CSMD1: variants seen among roughly 807,000 people sequenced by gnomAD.
CSMD1 encodes the protein CUB and sushi domain-containing protein 1.
Under a neutral mutation model 417.5 loss-of-function variants are expected in CSMD1, and 213 were observed. The observed-to-expected ratio is 0.51, with a 90% CI of 0.46 to 0.57. CSMD1 has a LOEUF of 0.57. Ranked by LOEUF, CSMD1 falls within the 20% of genes least tolerant of loss-of-function variation. CSMD1 has a pLI of 0.00. For missense variants in CSMD1, 6,923 were observed against 4,529.7 expected (o/e 1.53, Z -15.17); for synonymous variants, 2,862 against 1,736.8 (o/e 1.65, Z -16.11).
chr8:4,878,603 G>C (rs13281177), intron 1 of CSMD1, among the ~76,000 whole-genome samples: 1 of 151,818 alleles, frequency 6.6e-6, no homozygotes, highest in Admixed American at 6.6e-5. Context: ...TCTATCACCA[G>C]TTAGTAGAGG....
chr8:3,551,034 A>T (rs1798886910), intron 10 of CSMD1, among the ~76,000 whole-genome samples: 1 of 152,144 alleles, frequency 6.6e-6, no homozygotes, highest in African/African-American at 2.4e-5. Context: ...ATCAGCCTAA[A>T]TCTAAATGTA....
intron 3 of CSMD1, among the ~76,000 whole-genome samples, chr8:4,044,276 T>C (rs1212758389): frequency 6.6e-6 from 1 of 152,108 alleles, no homozygotes; most frequent in Non-Finnish European, 1.5e-5. Context: ...AATATAAAAA[T>C]GGCAAAGGAA....
At chr8:2,994,825 T>G (rs1042784793) in intron 54 of CSMD1, among the ~76,000 whole-genome samples, 2 of 152,192 alleles carry the variant, frequency 1.3e-5, no homozygotes, top group Admixed American at 6.5e-5. Context: ...TTTAATAAAT[T>G]ACCATATTAA....
chr8:3,707,481 T>C lies in CSMD1; in HGVS notation c.1009+933A>G, dbSNP rs183356880. Reference sequence around the variant, plus strand: ...AGCATAGAAAACACAACCCAATGGGTAGAAAGTCCTAGAAGAAGCGTGAGC... The same window carrying C: ...AGCATAGAAAACACAACCCAATGGGCAGAAAGTCCTAGAAGAAGCGTGAGC... On this transcript the variant is annotated intron_variant, in intron 7 of 69. Coordinates refer to ENST00000635120, the MANE Select transcript of CSMD1 (RefSeq NM_033225.6). Among the ~76,000 whole-genome samples, 3 of 152,108 alleles carry C rather than the reference T, an allele frequency of 2.0e-5. No individual in the cohort carries two copies. The East Asian group carries it at 5.8e-4, about 30-fold the overall frequency.
At chr8:3,741,520 G>A (rs1584931114) in intron 6 of CSMD1, among the ~76,000 whole-genome samples, 1 of 152,270 alleles carries the variant, frequency 6.6e-6, no homozygotes, top group South Asian at 2.1e-4. Context: ...TTGTTTTACA[G>A]TTTTTAGTAG....
At chr8:4,142,795 C>T (rs1157005280) in intron 3 of CSMD1, among the ~76,000 whole-genome samples, 2 of 150,944 alleles carry the variant, frequency 1.3e-5, no homozygotes, top group East Asian at 1.9e-4. Flanking sequence ...AACAAAGTCT[C>T]GTATTTATTT....
At chr8:4,733,866 A>G (rs763987151) in intron 1 of CSMD1, among the ~76,000 whole-genome samples, 13 of 152,176 alleles carry the variant, frequency 8.5e-5, no homozygotes, top group East Asian at 1.9e-4. Context: ...ATTTATTTCT[A>G]TTTCTGAAAT....
intron 1 of CSMD1, among the ~76,000 whole-genome samples, chr8:4,691,261 G>T (rs1806751260): frequency 6.6e-6 from 1 of 152,158 alleles, no homozygotes. Flanking sequence ...CCTGTCAGCA[G>T]AATGAATAGG....
chr8:4,648,342 G>A (rs576066182), intron 1 of CSMD1, among the ~76,000 whole-genome samples: 6 of 151,960 alleles, frequency 3.9e-5, no homozygotes, highest in African/African-American at 1.5e-4. Context: ...AGGATATAAT[G>A]ACATGATCCA....
intron 3 of CSMD1, among the ~76,000 whole-genome samples, chr8:4,098,454 A>G (rs964513189): frequency 1.1e-4 from 17 of 152,012 alleles, no homozygotes; most frequent in African/African-American, 3.1e-4. Context: ...CATCAGACAC[A>G]TATTGTTCCA....
chr8:3,216,283 G>A (rs558130167), intron 29 of CSMD1, among the ~76,000 whole-genome samples: 13 of 152,100 alleles, frequency 8.5e-5, no homozygotes, highest in African/African-American at 3.1e-4. Flanking sequence ...GATCAAATAA[G>A]TAAACCTGTA....
At chr8:3,401,046 A>T (rs1812009137) in intron 15 of CSMD1, among the ~76,000 whole-genome samples, 1 of 151,756 alleles carries the variant, frequency 6.6e-6, no homozygotes, top group Admixed American at 6.6e-5. Context: ...GATATACATA[A>T]TTATATGTAA....
chr8:3,451,283 G>C (rs1446264568), intron 12 of CSMD1, among the ~76,000 whole-genome samples: 1 of 152,146 alleles, frequency 6.6e-6, no homozygotes, highest in Admixed American at 6.5e-5. Context: ...CACTCTGATG[G>C]TAGTTTCTTT....
chr8:3,309,881 G>A (rs998317400), intron 23 of CSMD1, among the ~76,000 whole-genome samples: 5 of 152,148 alleles, frequency 3.3e-5, no homozygotes, highest in Admixed American at 2.0e-4. Context: ...GGAGAAAGAG[G>A]ACATGCTTGA....
intron 37 of CSMD1, among the ~76,000 whole-genome samples, chr8:3,167,211 G>A (rs1337043115): frequency 1.3e-5 from 2 of 151,268 alleles, no homozygotes; most frequent in Non-Finnish European, 2.9e-5. Context: ...CTTGAACCCA[G>A]GAGGCGGAGG....
intron 10 of CSMD1, among the ~76,000 whole-genome samples, chr8:3,503,778 G>T (rs1009612182): frequency 6.6e-6 from 1 of 151,960 alleles, no homozygotes; most frequent in Non-Finnish European, 1.5e-5. Context: ...TTTCAAAATG[G>T]CCTAAAAAGC....
intron 7 of CSMD1, among the ~76,000 whole-genome samples, chr8:3,618,648 A>G (rs889556445): frequency 3.3e-5 from 5 of 152,152 alleles, no homozygotes; most frequent in African/African-American, 1.2e-4. Context: ...GTATTTCCCT[A>G]TGGAAACACC....
chr8:3,988,139 G>C lies in CSMD1; in HGVS notation c.818+9764C>G, dbSNP rs990291170. Among the ~76,000 whole-genome samples the C allele has an allele frequency of 2.0e-5, 3 of 152,070 alleles. No individual in the cohort carries two copies. The East Asian group carries it at 5.8e-4, about 29-fold the overall frequency. On this transcript the variant is annotated intron_variant, in intron 5 of 69. Transcript: ENST00000635120. Reference sequence around the variant, plus strand: ...TGTCACCTCTTATTCATAGTCATCTGCTGGGCAGTTGGGCTGGTTCAGAAA... The same window carrying C: ...TGTCACCTCTTATTCATAGTCATCTCCTGGGCAGTTGGGCTGGTTCAGAAA...
chr8:4,991,037 G>GTT (rs765473931), intron 1 of CSMD1, among the ~76,000 whole-genome samples: 28 of 152,102 alleles, frequency 1.8e-4, no homozygotes, highest in Non-Finnish European at 3.5e-4. Flanking sequence ...AGTGTTGTGT[G>GTT]TGCTCTCCTT....
Sources: allele counts gnomAD v4.1 joint callset (sites outside exome capture counted in the v4.1 genomes callset), GRCh38; gene constraint gnomAD v4.1.1; transcripts MANE v1.5; gene names NCBI Gene and HGNC (gene_info 2026-07-23, HGNC 2026-07-21).